PVT1: variants seen among roughly 807,000 people sequenced by gnomAD.
The protein encoded by PVT1 is Pvt1 oncogene.
intron 3 of PVT1, among the ~76,000 whole-genome samples, chr8:127,962,833 G>A (rs1311357616): frequency 2.0e-5 from 3 of 151,842 alleles, no homozygotes; most frequent in Non-Finnish European, 4.4e-5. Flanking sequence ...CTGACCTCAG[G>A]TGATCGCCCA....
chr8:127,875,550 TA>T (rs1329783404), intron 2 of PVT1, among the ~76,000 whole-genome samples: 6 of 152,210 alleles, frequency 3.9e-5, no homozygotes, highest in Admixed American at 1.3e-4. Flanking sequence ...ATGTGCTCAA[TA>T]ATTTATTTTC....
chr8:127,926,208 C>G (rs1178501564), intron 3 of PVT1, among the ~76,000 whole-genome samples: 5 of 152,174 alleles, frequency 3.3e-5, no homozygotes, highest in African/African-American at 1.2e-4. Flanking sequence ...TGATTCAGCC[C>G]AGGCAGTGTC....
chr8:127,887,776 C>T (rs1163030851), intron 2 of PVT1, among the ~76,000 whole-genome samples: 1 of 151,984 alleles, frequency 6.6e-6, no homozygotes, highest in Non-Finnish European at 1.5e-5. Context: ...ATCCACCCAT[C>T]TCAGCCTCCC....
At chr8:128,006,103 A>AAATAATAAT (rs201867936) in intron 4 of PVT1, among the ~76,000 whole-genome samples, 1 of 119,362 alleles carries the variant, frequency 8.4e-6, no homozygotes, top group Admixed American at 9.3e-5. Flanking sequence ...ACCTTGTCTC[A>AAATAATAAT]AATAATAATA....
chr8:128,005,945 A>C (rs1817241436), intron 4 of PVT1, among the ~76,000 whole-genome samples: 1 of 151,942 alleles, frequency 6.6e-6, no homozygotes, highest in Non-Finnish European at 1.5e-5. Flanking sequence ...TCTACCAAAA[A>C]TACAAAAATT....
chr8:127,904,393 G>C (rs947326008), intron 3 of PVT1, among the ~76,000 whole-genome samples: 1 of 152,252 alleles, frequency 6.6e-6, no homozygotes, highest in African/African-American at 2.4e-5. Flanking sequence ...CCCTGGCCCT[G>C]CTGTGCAGCA....
chr8:128,089,791 G>A (rs573097244), intron 5 of PVT1, among the ~76,000 whole-genome samples: 2 of 152,292 alleles, frequency 1.3e-5, no homozygotes, highest in South Asian at 4.1e-4. Context: ...CCACAGGGAA[G>A]CTGAAAGGGG....
At chr8:128,032,936 A>G (rs756380743) in intron 4 of PVT1, among the ~76,000 whole-genome samples, 2 of 152,204 alleles carry the variant, frequency 1.3e-5, no homozygotes, top group Non-Finnish European at 2.9e-5. Context: ...TGACCTCACC[A>G]CACTGAGTGT....
At chr8:127,817,167 A>G (rs2129672105) in intron 2 of PVT1, among the ~76,000 whole-genome samples, 1 of 152,030 alleles carries the variant, frequency 6.6e-6, no homozygotes, top group South Asian at 2.1e-4. Flanking sequence ...TCTATGGCCA[A>G]GTAGTTCACC....
chr8:127,958,422 T>G (rs1397156293), intron 3 of PVT1, among the ~76,000 whole-genome samples: 1 of 152,128 alleles, frequency 6.6e-6, no homozygotes, highest in Non-Finnish European at 1.5e-5. Flanking sequence ...TGTATTTTAT[T>G]GGAGCTGGGG....
At chr8:128,094,428 T>G (rs1814400598) in intron 5 of PVT1, among the ~76,000 whole-genome samples, 1 of 152,236 alleles carries the variant, frequency 6.6e-6, no homozygotes, top group Admixed American at 6.5e-5. Flanking sequence ...ACAACTATGC[T>G]TGTTCATTTA....
chr8:127,818,654 G>C (rs1334996696), intron 2 of PVT1, among the ~76,000 whole-genome samples: 1 of 152,158 alleles, frequency 6.6e-6, no homozygotes, highest in African/African-American at 2.4e-5. Flanking sequence ...GCACTCTGCA[G>C]TTCCAGCAGC....
Position 127,909,572 on chromosome 8 carries a change from G to A in PVT1, n.782+18574G>A, listed in dbSNP as rs1462035369. On this transcript the variant is annotated intron_variant and non_coding_transcript_variant, in intron 3 of 10. Transcript: ENST00000651587. ...CACACCGAATGTTTGGCATATGTGC[G>A]GAGCTCTTTGGGGGTGACTCATGGG... is the stretch of plus-strand genomic sequence containing the variant. Among the ~76,000 whole-genome samples, 6 of 152,166 alleles carry A rather than the reference G, an allele frequency of 3.9e-5. No individual in the cohort carries two copies. In the East Asian group the frequency reaches 5.8e-4, roughly 15 times the overall value.
intron 4 of PVT1, among the ~76,000 whole-genome samples, chr8:128,043,744 A>G (rs2981289): frequency 0.028 from 4,248 of 150,318 alleles, 181 homozygotes; most frequent in African/African-American, 0.091. Flanking sequence ...TTTAACTGCT[A>G]TATAGTATTA....
chr8:127,943,374 CTAAG>C (rs1461589120), intron 3 of PVT1, among the ~76,000 whole-genome samples: 1 of 152,128 alleles, frequency 6.6e-6, no homozygotes, highest in East Asian at 1.9e-4. Context: ...ATGCAAATGA[CTAAG>C]TATTACTTTA....
intron 3 of PVT1, among the ~76,000 whole-genome samples, chr8:127,911,576 C>T (rs924687750): frequency 2.6e-5 from 4 of 152,230 alleles, no homozygotes; most frequent in African/African-American, 9.6e-5. Flanking sequence ...ACCGCAGAAA[C>T]TGTATAAGCC....
At chr8:128,015,513 C>T (rs767119974) in intron 4 of PVT1, among the ~76,000 whole-genome samples, 56 of 152,070 alleles carry the variant, frequency 3.7e-4, no homozygotes, top group Non-Finnish European at 7.2e-4. Context: ...CAGTGGCTCA[C>T]GTCTGTAACC....
chr8:127,806,891 G>C (rs1814535108), intron 2 of PVT1, among the ~76,000 whole-genome samples: 1 of 152,172 alleles, frequency 6.6e-6, no homozygotes, highest in African/African-American at 2.4e-5. Context: ...AGTTTTTATT[G>C]CTGACTGGGA....
At chr8:127,805,536 A>G (rs184403167) in intron 2 of PVT1, among the ~76,000 whole-genome samples, 91 of 152,266 alleles carry the variant, frequency 6.0e-4, no homozygotes, top group African/African-American at 2.1e-3. Context: ...CATGTCATTA[A>G]CATGTATGTA....
Sources: allele counts gnomAD v4.1 joint callset (sites outside exome capture counted in the v4.1 genomes callset), GRCh38; gene constraint gnomAD v4.1.1; transcripts MANE v1.5; gene names NCBI Gene and HGNC (gene_info 2026-07-23, HGNC 2026-07-21).